Variants in LIPJ observed in about 807,000 individuals in gnomAD.
LIPJ encodes the protein lipase member J.
A neutral mutation model predicts 39.8 loss-of-function variants in LIPJ; 33 were observed. The ratio of observed to expected loss-of-function variants is 0.83; its 90% CI spans 0.63 to 1.11. The LOEUF (loss-of-function observed/expected upper bound fraction) is 1.11. Ranked by LOEUF, LIPJ falls within the 50% of genes least tolerant of loss-of-function variation. The probability of loss-of-function intolerance (pLI) is 0.00; values close to 1 mark genes in which losing one functional copy is unlikely to be tolerated. For synonymous variants in LIPJ, 128 were observed against 139.2 expected (o/e 0.92, Z 0.57); for missense variants, 422 against 427.9 (o/e 0.99, Z 0.12).
chr10:88,586,145 G>C (rs1359661595), upstream of LIPJ, among the ~76,000 whole-genome samples: 1 of 151,938 alleles, frequency 6.6e-6, no homozygotes, highest in Non-Finnish European at 1.5e-5. Flanking sequence ...ATGATCATAC[G>C]CTCTTTCAAA....
At chr10:88,587,168 A>G (rs1850939319) in intron 1 of LIPJ, 98 bp from the exon 2 acceptor site, 1 of 152,024 alleles carries the variant, frequency 6.6e-6, no homozygotes, top group African/African-American at 2.4e-5. Flanking sequence ...ATGTGAATGT[A>G]TTTGGATTAA....
the LIPJ span, among the ~76,000 whole-genome samples, chr10:88,617,409 TAAG>T: frequency 6.6e-6 from 1 of 152,206 alleles, no homozygotes; most frequent in Non-Finnish European, 1.5e-5. Flanking sequence ...ATATTTAAAA[TAAG>T]AAGAAAGTAA....
At chr10:88,583,501 G>A, upstream of LIPJ, 1 of 1,217,354 alleles carries the variant, frequency 8.2e-7, no homozygotes, top group Non-Finnish European at 1.0e-6. Flanking sequence ...GCTATTGTTG[G>A]GAGAACCCGC....
chr10:88,595,567 A>C (rs1851225781), intron 6 of LIPJ, among the ~76,000 whole-genome samples: 1 of 151,614 alleles, frequency 6.6e-6, no homozygotes, highest in African/African-American at 2.4e-5. Flanking sequence ...CTCATCAACT[A>C]TTCAATTATT....
downstream of LIPJ, among the ~76,000 whole-genome samples, chr10:88,609,898 CAAAAAAAAAAA>C (rs11305444): frequency 3.5e-5 from 3 of 84,558 alleles, no homozygotes; most frequent in Admixed American, 1.2e-4. Context: ...GACTCTGTCT[CAAAAAAAAAAA>C]AAAAAAAAAG....
chr10:88,604,054 A>G (rs1321149942), intron 9 of LIPJ, among the ~76,000 whole-genome samples: 1 of 152,230 alleles, frequency 6.6e-6, no homozygotes, highest in East Asian at 1.9e-4. Flanking sequence ...GTAGGTATAT[A>G]GATTATAAAC....
chr10:88,619,133 G>A, the LIPJ span, among the ~76,000 whole-genome samples: 8 of 150,242 alleles, frequency 5.3e-5, no homozygotes, highest in Non-Finnish European at 7.4e-5. Flanking sequence ...GATATAACCC[G>A]GGCAACCCGC....
At chr10:88,595,063 G>T (rs900075167) in intron 6 of LIPJ, among the ~76,000 whole-genome samples, 2 of 151,762 alleles carry the variant, frequency 1.3e-5, no homozygotes, top group South Asian at 4.1e-4. Flanking sequence ...AAGTGAGATT[G>T]CCACTATTAT....
At chr10:88,583,262 G>A (rs1564925224), upstream of LIPJ, 1 of 1,584,470 alleles carries the variant, frequency 6.3e-7, no homozygotes, top group Non-Finnish European at 8.5e-7. Context: ...CTGGAAAGGC[G>A]GCCGAACCGG....
intron 10 of LIPJ, 62 bp downstream of exon 10, chr10:88,605,766 A>G (rs971968545): frequency 2.2e-5 from 22 of 998,928 alleles, no homozygotes; most frequent in Non-Finnish European, 3.0e-5. Context: ...TTTGCTATAG[A>G]TCAAGGATCA....
chr10:88,591,480 G>C, exon 4 of LIPJ: 2 of 1,598,072 alleles, frequency 1.3e-6, no homozygotes, highest in South Asian at 2.3e-5. Context: ...TTGGAGGACA[G>C]ACAATAATAA....
intron 6 of LIPJ, among the ~76,000 whole-genome samples, chr10:88,595,008 G>C (rs1170994367): frequency 6.6e-6 from 1 of 151,698 alleles, no homozygotes; most frequent in Non-Finnish European, 1.5e-5. Context: ...GGTTTTGTTT[G>C]TTTCAAATTG....
the LIPJ span, among the ~76,000 whole-genome samples, chr10:88,612,064 G>T: frequency 6.6e-6 from 1 of 152,156 alleles, no homozygotes; most frequent in African/African-American, 2.4e-5. Context: ...TTAACAGCAG[G>T]TGTCTCGGCA....
At position 88,603,239 on chromosome 10, in the gene LIPJ, C is replaced by T. The variant is rs373517917; in HGVS notation, c.795+592C>T. ...GATTATTTAGGCCATGTCCCACAGT[C>T]GACTTGCCCAATGCTTCAAAGCTAT... On this transcript the variant is annotated intron_variant, in intron 9 of 10. Coordinates refer to ENST00000371939, the Ensembl canonical transcript of LIPJ. Among the ~76,000 whole-genome samples, 7 of 152,282 alleles carry T rather than the reference C, an allele frequency of 4.6e-5. No individual in the cohort carries two copies. The East Asian group carries it at 9.6e-4, about 21-fold the overall frequency.
chr10:88,605,590 T>C, intron 9 of LIPJ, 43 bp from the exon 10 acceptor site: 1 of 1,372,476 alleles, frequency 7.3e-7, no homozygotes, highest in Non-Finnish European at 1.0e-6. Context: ...GCTGCCACTG[T>C]AATGAACAAA....
downstream of LIPJ, among the ~76,000 whole-genome samples, chr10:88,608,351 A>G (rs111915368): frequency 2.2e-3 from 328 of 152,378 alleles, 1 homozygote; most frequent in African/African-American, 7.4e-3. Flanking sequence ...ATGAATGTGC[A>G]GGGCCAGGAA....
At chr10:88,620,539 G>T in the LIPJ span, among the ~76,000 whole-genome samples, 1 of 151,750 alleles carries the variant, frequency 6.6e-6, no homozygotes, top group Non-Finnish European at 1.5e-5. Flanking sequence ...GATGGGAAAG[G>T]ACTACACAAA....
At chr10:88,607,247 TAG>T (rs1851695352), downstream of LIPJ, among the ~76,000 whole-genome samples, 1 of 152,154 alleles carries the variant, frequency 6.6e-6, no homozygotes, top group South Asian at 2.1e-4. Context: ...ATTATAAAAA[TAG>T]AGTTTTGAGA....
At position 88,594,400 on chromosome 10, in the gene LIPJ, C is replaced by G; in HGVS notation, c.329+256C>G. 1.8e-5 allele frequency: 9 copies of G among 499,726 alleles called. No individual in the cohort carries two copies. The South Asian group carries it at 2.6e-4, about 14-fold the overall frequency. The allele number at this position is 499,726 out of a possible 1,614,324, so 31.0% of individuals were successfully genotyped here. ...CAACCCCATCCTTCCTTTAACTACT[C>G]TTCTACTCTATAACTCATATATTTT... On this transcript the variant is annotated intron_variant, in intron 5 of 10. Transcript: ENST00000371939.
Sources: gnomAD v4.1 joint callset for allele counts (sites outside exome capture counted in the v4.1 genomes callset) on GRCh38, gnomAD v4.1.1 for gene constraint, MANE v1.5 for transcripts, NCBI Gene and HGNC (gene_info 2026-07-23, HGNC 2026-07-21) for gene names.